Variants in PHF21B observed in about 807,000 individuals in gnomAD.
PHF21B encodes PHD finger protein 21B, also known as PHD finger protein 4.
Under a neutral mutation model 62.2 loss-of-function variants are expected in PHF21B, and 22 were observed. That is an observed-to-expected ratio of 0.35 (90% confidence interval 0.25 to 0.51). PHF21B has a LOEUF of 0.51. Among genes scored for constraint, PHF21B ranks in the 20% least tolerant of loss-of-function variants. The pLI, the probability that PHF21B is intolerant of heterozygous loss-of-function variation, is 0.97. For synonymous variants in PHF21B, 341 were observed against 314.7 expected (o/e 1.08, Z -0.88); for missense variants, 701 against 707.9 (o/e 0.99, Z 0.11).
At chr22:45,000,261 C>T (rs542735117) in intron 2 of PHF21B, among the ~76,000 whole-genome samples, 26 of 152,244 alleles carry the variant, frequency 1.7e-4, no homozygotes, top group Middle Eastern at 6.8e-3. Flanking sequence ...GCTGGGCCAC[C>T]GGACACCCTC....
At chr22:44,887,846 T>C (rs1466008520) in intron 10 of PHF21B, 117 bp downstream of exon 10, 3 of 1,138,122 alleles carry the variant, frequency 2.6e-6, no homozygotes, top group African/African-American at 1.6e-5. Context: ...TGTGCTGAGG[T>C]TGAAAAAGCC....
intron 2 of PHF21B, among the ~76,000 whole-genome samples, chr22:44,922,959 A>G (rs985515750): frequency 1.3e-5 from 2 of 152,242 alleles, no homozygotes; most frequent in Admixed American, 1.3e-4. Flanking sequence ...TTAAAAAAAT[A>G]GAAATTGACA....
intron 2 of PHF21B, among the ~76,000 whole-genome samples, chr22:44,943,584 G>C (rs1356220872): frequency 1.3e-5 from 2 of 152,048 alleles, no homozygotes; most frequent in Admixed American, 6.5e-5. Flanking sequence ...GGGCTCTAGA[G>C]TCCTGGCAGC....
chr22:44,920,869 A>G (rs73889838), intron 2 of PHF21B, among the ~76,000 whole-genome samples: 3,055 of 152,324 alleles, frequency 0.02, 109 homozygotes, highest in African/African-American at 0.07. Flanking sequence ...GGGATCTTCC[A>G]TTCAGCAGAC....
Position 44,896,219 on chromosome 22 carries a change from G to T in PHF21B, c.832-136C>A. The T allele has an allele frequency of 4.6e-6, 4 of 867,232 alleles. No individual in the cohort carries two copies. The South Asian group carries it at 5.5e-5, about 12-fold the overall frequency. The allele number at this position is 867,232 out of a possible 1,614,324, so 53.7% of individuals were successfully genotyped here. Reference sequence around the variant, plus strand: ...ACCACAGAGGCCTCCAACTCCAGATGCCAAGTCAGTTTCTAAGAAACGTGG... The same window carrying T: ...ACCACAGAGGCCTCCAACTCCAGATTCCAAGTCAGTTTCTAAGAAACGTGG... On this transcript the variant is annotated intron_variant, in intron 5 of 12. Transcript: ENST00000313237.
At chr22:44,928,741 T>C (rs2071682704) in intron 2 of PHF21B, among the ~76,000 whole-genome samples, 1 of 152,194 alleles carries the variant, frequency 6.6e-6, no homozygotes, top group Admixed American at 6.5e-5. Flanking sequence ...CCAGGACAAT[T>C]GTCTACAGAA....
intron 2 of PHF21B, among the ~76,000 whole-genome samples, chr22:44,951,679 G>C (rs1470660870): frequency 6.6e-6 from 1 of 152,228 alleles, no homozygotes; most frequent in Non-Finnish European, 1.5e-5. Flanking sequence ...TACATCTCCA[G>C]TGTACTGCTG....
chr22:44,913,682 G>A, intron 5 of PHF21B, 140 bp downstream of exon 5: 6 of 1,252,668 alleles, frequency 4.8e-6, no homozygotes, highest in African/African-American at 1.5e-5. Flanking sequence ...CCCCATCCTG[G>A]TCGCCGACTG....
chr22:44,977,562 C>G (rs1447454176), intron 2 of PHF21B, among the ~76,000 whole-genome samples: 1 of 147,994 alleles, frequency 6.8e-6, no homozygotes, highest in Non-Finnish European at 1.5e-5. Context: ...GAGACTGTGT[C>G]TCAAAAAAAA....
Position 45,009,663 on chromosome 22 carries a change from G to T in PHF21B, c.-114C>A, listed in dbSNP as rs955020059. The T allele has an allele frequency of 7.9e-6, 8 of 1,012,730 alleles. No individual in the cohort carries two copies. The highest frequency in any genetic ancestry group is 1.1e-5 in the Non-Finnish European group (8 of 738,958). The allele number at this position is 1,012,730 out of a possible 1,614,324, so 62.7% of individuals were successfully genotyped here. A position where few individuals can be genotyped will look rare whatever the true frequency, so the allele number is the denominator to read the frequency against. The stretch of plus-strand genomic sequence containing the variant: ...CGGACGCGGCCTCCGGGCTGGGTTG[G>T]GGGGGACACGAGCCCCCTCCCCCAC... On this transcript the variant is annotated 5_prime_UTR_variant, in exon 1 of 13. Coordinates refer to ENST00000313237, the MANE Select transcript of PHF21B (RefSeq NM_138415.5). This position sits in a 1 kb window ranked among gnomAD's most constrained non-coding sequence, Gnocchi z 5.9.
intron 2 of PHF21B, among the ~76,000 whole-genome samples, chr22:44,943,505 A>G (rs2072002246): frequency 6.6e-6 from 1 of 152,154 alleles, no homozygotes; most frequent in Non-Finnish European, 1.5e-5. Context: ...CCCGATCTCC[A>G]GCAGGCTCAG....
chr22:44,891,291 G>A lies in PHF21B; in HGVS notation c.1015+15C>T, dbSNP rs746554950. ...CCTGAGCAGCTCTGGCAGAAGGCCT[G>A]AAGCCGGTGCTTACCTCTCGCTGTG... On this transcript the variant is annotated intron_variant, in intron 8 of 12. Coordinates refer to ENST00000313237, the MANE Select transcript of PHF21B (RefSeq NM_138415.5). The A allele has an allele frequency of 1.9e-5, 31 of 1,613,398 alleles. No homozygotes were observed. In the East Asian group the frequency reaches 6.7e-4, roughly 35 times the overall value.
chr22:44,887,020 G>A (rs1376633000), intron 10 of PHF21B, among the ~76,000 whole-genome samples: 2 of 151,876 alleles, frequency 1.3e-5, no homozygotes, highest in Non-Finnish European at 2.9e-5. Context: ...GCCAGGAGTG[G>A]TGGCGCATGC....
chr22:44,997,665 G>T (rs1434332848), intron 2 of PHF21B, among the ~76,000 whole-genome samples: 8 of 152,114 alleles, frequency 5.3e-5, no homozygotes, highest in Admixed American at 1.3e-4. Flanking sequence ...TACATTTTCA[G>T]GTTCATTTAC....
At chr22:44,976,136 A>T (rs1299062481) in intron 2 of PHF21B, among the ~76,000 whole-genome samples, 1 of 152,166 alleles carries the variant, frequency 6.6e-6, no homozygotes, top group Non-Finnish European at 1.5e-5. Flanking sequence ...GCGCCACTGC[A>T]CTCTAGCCTG....
chr22:44,961,004 T>A (rs1215667769), intron 2 of PHF21B, among the ~76,000 whole-genome samples: 1 of 139,876 alleles, frequency 7.1e-6, no homozygotes, highest in Non-Finnish European at 1.5e-5. Context: ...TCACCCAGGC[T>A]GGAGTGCAGT....
chr22:44,978,206 C>G (rs563557847), intron 2 of PHF21B, among the ~76,000 whole-genome samples: 2 of 152,252 alleles, frequency 1.3e-5, no homozygotes, highest in African/African-American at 4.8e-5. Flanking sequence ...CTCATCTTTA[C>G]TAGATGTTTC....
intron 2 of PHF21B, among the ~76,000 whole-genome samples, chr22:44,980,648 C>T (rs990608550): frequency 1.8e-4 from 27 of 152,218 alleles, no homozygotes; most frequent in African/African-American, 6.3e-4. Context: ...CAAATCCATA[C>T]AAGTCAAGCC....
In PHF21B at chr22:44,964,702, TTCATTCATTCAC is replaced by T. The variant is rs1483566781; in HGVS notation, c.120+43831_120+43842del. 5.9e-5 allele frequency among the ~76,000 whole-genome samples: 9 copies of T among 152,376 alleles called. No individual in the cohort carries two copies. In the South Asian group the frequency reaches 1.4e-3, roughly 25 times the overall value. On this transcript the variant is annotated intron_variant, in intron 2 of 12. Coordinates refer to ENST00000313237, the MANE Select transcript of PHF21B (RefSeq NM_138415.5). ...ACAACCAGTGGGTCTACTCTGTTCA[TTCATTCATTCAC>T]TCATTCATTCACTTATTTTCTAGGA...
Sources: allele counts gnomAD v4.1 joint callset (sites outside exome capture counted in the v4.1 genomes callset), GRCh38; gene constraint gnomAD v4.1.1; non-coding constraint Gnocchi (gnomAD v3.1); transcripts MANE v1.5; gene names NCBI Gene and HGNC (gene_info 2026-07-23, HGNC 2026-07-21).